PRKN: variants seen among roughly 807,000 people sequenced by gnomAD.
PRKN encodes E3 ubiquitin-protein ligase parkin.
A neutral mutation model predicts 59.5 loss-of-function variants in PRKN; 56 were observed. That is an observed-to-expected ratio of 0.94 (90% CI 0.76 to 1.18). The LOEUF is 1.18. Ranked by LOEUF, PRKN falls within the 50% of genes most tolerant of loss-of-function variation. The pLI is 0.00. For synonymous variants in PRKN, 250 were observed against 222.1 expected (o/e 1.13, Z -1.12); for missense variants, 657 against 596.4 (o/e 1.10, Z -1.06).
chr6:162,361,554 T>G (rs191957266), intron 2 of PRKN, among the ~76,000 whole-genome samples: 39 of 152,258 alleles, frequency 2.6e-4, no homozygotes, highest in African/African-American at 7.5e-4. Context: ...TGCGTTTAAG[T>G]GCCCAGTCTA....
At chr6:161,861,834 T>C (rs747070251) in intron 6 of PRKN, among the ~76,000 whole-genome samples, 2 of 152,146 alleles carry the variant, frequency 1.3e-5, no homozygotes, top group Non-Finnish European at 2.9e-5. Context: ...TGAAGCTGGG[T>C]GACTAGATTT....
At chr6:161,751,488 C>A (rs148110102) in intron 7 of PRKN, among the ~76,000 whole-genome samples, 2 of 152,310 alleles carry the variant, frequency 1.3e-5, no homozygotes, top group East Asian at 3.9e-4. Context: ...GTAAATTTCA[C>A]ACTGATATTT....
At chr6:162,632,563 G>A (rs762008140) in intron 1 of PRKN, among the ~76,000 whole-genome samples, 1 of 151,994 alleles carries the variant, frequency 6.6e-6, no homozygotes, top group Non-Finnish European at 1.5e-5. Context: ...CTACCTGGGT[G>A]ATAGGATCCA....
Position 161,582,374 on chromosome 6 carries a change from G to A in PRKN, c.872-12958C>T, listed in dbSNP as rs1554279463. On this transcript the variant is annotated intron_variant, in intron 7 of 11. Transcript: ENST00000366898. This position sits in a 1 kb window ranked among gnomAD's most constrained non-coding sequence, Gnocchi z 4.4. The stretch of plus-strand genomic sequence containing the variant: ...TCTATACATTACAATGTTGGGCGCA[G>A]CAGATATAATCTGAACTAGGAAAGA... Among the ~76,000 whole-genome samples, 1 of 151,918 alleles carries A rather than the reference G, an allele frequency of 6.6e-6. No individual in the cohort carries two copies. Among genetic ancestry groups the A allele is most frequent in the Non-Finnish European group, 1.5e-5 (1 of 68,000 alleles).
At position 162,470,460 on chromosome 6, in the gene PRKN, C is replaced by T. The variant is rs199786887; in HGVS notation, c.8-26987G>A. On this transcript the variant is annotated intron_variant, in intron 1 of 11. Coordinates refer to ENST00000366898, the MANE Select transcript of PRKN (RefSeq NM_004562.3). ...CTCCACTACTAGTACAACAATTAGCCAGGCGTGGTGGCAGGCGCTACTTGG... is the reference window on the plus strand; with the variant it reads ...CTCCACTACTAGTACAACAATTAGCTAGGCGTGGTGGCAGGCGCTACTTGG... 2.6e-5 allele frequency among the ~76,000 whole-genome samples: 4 copies of T among 151,958 alleles called. 1 individual carries two copies. The East Asian group carries it at 7.8e-4, about 30-fold the overall frequency.
At chr6:161,935,988 C>G (rs1779342717) in intron 6 of PRKN, among the ~76,000 whole-genome samples, 1 of 152,164 alleles carries the variant, frequency 6.6e-6, no homozygotes, top group African/African-American at 2.4e-5. Flanking sequence ...TAACAAAACT[C>G]TTGTGCCTAG....
chr6:162,480,859 G>A (rs904972204), intron 1 of PRKN, among the ~76,000 whole-genome samples: 7 of 151,964 alleles, frequency 4.6e-5, no homozygotes, highest in African/African-American at 1.4e-4. Context: ...AGCCTGGAGC[G>A]CAGTGGCACG....
chr6:161,786,874 A>T (rs1338770846), intron 6 of PRKN, among the ~76,000 whole-genome samples: 1 of 150,800 alleles, frequency 6.6e-6, no homozygotes, highest in Non-Finnish European at 1.5e-5. Flanking sequence ...AATATATATA[A>T]ATCCTAATTT....
rs372036725 is a variant in PRKN at position 162,097,111 on chromosome 6, C to T, written c.535-42937G>A. On this transcript the variant is annotated intron_variant, in intron 4 of 11. Coordinates refer to ENST00000366898, the MANE Select transcript of PRKN (RefSeq NM_004562.3). ...CAGGCTGGTCTTGAACTCCTGACCT[C>T]GTGATCTGCCCGCCTTGGCCTCCCA... 8.3e-4 allele frequency among the ~76,000 whole-genome samples: 126 copies of T among 152,116 alleles called. 2 individuals carry two copies. The highest frequency in any genetic ancestry group is 2.8e-3 in the African/African-American group (117 of 41,518).
At chr6:162,635,338 C>T (rs1030458125) in intron 1 of PRKN, among the ~76,000 whole-genome samples, 5 of 152,108 alleles carry the variant, frequency 3.3e-5, no homozygotes. Context: ...GGGTATTTTA[C>T]CAGAAAATTA....
intron 2 of PRKN, among the ~76,000 whole-genome samples, chr6:162,416,729 G>T (rs752292863): frequency 6.6e-6 from 1 of 151,398 alleles, no homozygotes; most frequent in African/African-American, 2.4e-5. Context: ...CCTACTTACT[G>T]ACACGTGATT....
At chr6:161,514,873 A>G (rs1032663037) in intron 9 of PRKN, among the ~76,000 whole-genome samples, 2 of 152,134 alleles carry the variant, frequency 1.3e-5, no homozygotes, top group East Asian at 3.9e-4. Context: ...TGCTGCCGTC[A>G]TGGTGCCTAC....
At chr6:162,232,523 C>T (rs537950465) in intron 3 of PRKN, among the ~76,000 whole-genome samples, 3 of 152,274 alleles carry the variant, frequency 2.0e-5, no homozygotes, top group Non-Finnish European at 4.4e-5. Context: ...GGATTAATTG[C>T]TTTTCCTTTC....
rs1403121517 is a variant in PRKN, at chr6:161,358,868, C to T, written c.1285+1220G>A. On this transcript the variant is annotated intron_variant, in intron 11 of 11. Coordinates refer to ENST00000366898, the MANE Select transcript of PRKN (RefSeq NM_004562.3). ...GGAGTGCAGTGGTGCAATCTCGGCT[C>T]ACTGCAAGCTCTGCCTCCCGGGTTC... Among the ~76,000 whole-genome samples the T allele has an allele frequency of 4.9e-5, 7 of 142,472 alleles. No homozygotes were observed. The South Asian group carries it at 9.2e-4, about 19-fold the overall frequency. 93.5% of individuals were successfully genotyped at this position (142,472 alleles called of 152,430 possible). A position where few individuals can be genotyped will look rare whatever the true frequency, so the allele number is the denominator to read the frequency against.
At chr6:162,247,995 A>G (rs1482101072) in intron 3 of PRKN, among the ~76,000 whole-genome samples, 1 of 152,204 alleles carries the variant, frequency 6.6e-6, no homozygotes, top group Non-Finnish European at 1.5e-5. Context: ...TATAGACCAT[A>G]AAAATTCAAC....
chr6:161,661,355 G>C (rs1256516977), intron 7 of PRKN, among the ~76,000 whole-genome samples: 3 of 152,114 alleles, frequency 2.0e-5, no homozygotes, highest in African/African-American at 7.2e-5. Context: ...CAACCACACA[G>C]GAGCCATCTC....
rs1241073912 is a variant in PRKN, at chr6:161,550,580, G to C, written c.934-1577C>G. 6.6e-6 allele frequency among the ~76,000 whole-genome samples: 1 copy of C among 152,154 alleles called. No homozygotes were observed. The highest frequency in any genetic ancestry group is 1.5e-5 in the Non-Finnish European group (1 of 68,014). On this transcript the variant is annotated intron_variant, in intron 8 of 11. Coordinates refer to ENST00000366898, the MANE Select transcript of PRKN (RefSeq NM_004562.3). This position sits in a 1 kb window ranked among gnomAD's most constrained non-coding sequence, Gnocchi z 4.0. ...TTGAATTCTGGGTATAAATTAAAGGGAGAAGTTGCAGAATTTTCAGTCAGG... is the reference window on the plus strand; with the variant it reads ...TTGAATTCTGGGTATAAATTAAAGGCAGAAGTTGCAGAATTTTCAGTCAGG...
At chr6:162,335,156 G>A (rs1417989665) in intron 2 of PRKN, among the ~76,000 whole-genome samples, 2 of 151,792 alleles carry the variant, frequency 1.3e-5, no homozygotes, top group South Asian at 2.1e-4. Flanking sequence ...TGTGATTATA[G>A]GTACACGGCA....
At chr6:162,282,387 G>GAGA (rs370036973) in intron 2 of PRKN, among the ~76,000 whole-genome samples, 12,715 of 151,784 alleles carry the variant, frequency 0.084, 1,154 homozygotes, top group East Asian at 0.5. Flanking sequence ...TGGAAACAAT[G>GAGA]GAATCACATC....
Sources: allele counts gnomAD v4.1 joint callset (sites outside exome capture counted in the v4.1 genomes callset), GRCh38; gene constraint gnomAD v4.1.1; non-coding constraint Gnocchi (gnomAD v3.1); transcripts MANE v1.5; gene names NCBI Gene and HGNC (gene_info 2026-07-23, HGNC 2026-07-21).